HFM1: variants seen among roughly 807,000 people sequenced by gnomAD.
The protein encoded by HFM1 is probable ATP-dependent DNA helicase HFM1.
HFM1 carries 169 observed loss-of-function variants against 192.1 expected under a neutral mutation model. That is an observed-to-expected ratio of 0.88 (90% CI 0.78 to 1.00). The LOEUF (loss-of-function observed/expected upper bound fraction) is 1.00. HFM1 is among the 50% of genes least tolerant of loss of function. HFM1 has a pLI of 0.00. For synonymous variants in HFM1, 525 were observed against 537.8 expected (o/e 0.98, Z 0.33); for missense variants, 1,661 against 1,668.0 (o/e 1.00, Z 0.07).
intron 30 of HFM1, among the ~76,000 whole-genome samples, chr1:91,299,527 G>C (rs924937414): frequency 8.6e-5 from 13 of 152,040 alleles, no homozygotes; most frequent in South Asian, 6.2e-4. Context: ...TGACCACATA[G>C]TTGGAAGTAA....
At chr1:91,350,663 C>T (rs1656807859) in intron 18 of HFM1, 75 bp downstream of exon 18, 1 of 1,355,274 alleles carries the variant, frequency 7.4e-7, no homozygotes, top group Non-Finnish European at 1.0e-6. Flanking sequence ...TCTATCTATC[C>T]TGTAACTTAT....
At position 91,268,192 on chromosome 1, in the gene HFM1, AT is replaced by A. The variant is rs149522502; in HGVS notation, c.3773-338del. 3.3e-3 allele frequency among the ~76,000 whole-genome samples: 498 copies of A among 152,092 alleles called. 3 individuals carry two copies. The highest frequency in any genetic ancestry group is 0.011 in the African/African-American group (438 of 41,554). ...TTGCACTAAATTTAATTTTCAATAC[AT>A]TTTTTAGGCAATTAATTTTTCCTCT... is the stretch of plus-strand genomic sequence containing the variant. On this transcript the variant is annotated intron_variant, in intron 34 of 38. Coordinates refer to ENST00000370425, the MANE Select transcript of HFM1 (RefSeq NM_001017975.6).
At chr1:91,280,116 A>G (rs978450058) in intron 30 of HFM1, among the ~76,000 whole-genome samples, 6 of 152,200 alleles carry the variant, frequency 3.9e-5, no homozygotes, top group African/African-American at 1.4e-4. Flanking sequence ...AAACAAATAA[A>G]TTTTAAACTA....
chr1:91,404,370 G>A (rs574085128), intron 1 of HFM1, among the ~76,000 whole-genome samples: 4 of 152,332 alleles, frequency 2.6e-5, no homozygotes, highest in South Asian at 2.1e-4. Context: ...CACCCCCCGG[G>A]TCCCGTTTCC....
intron 20 of HFM1, among the ~76,000 whole-genome samples, chr1:91,336,404 T>A (rs1654584748): frequency 6.6e-6 from 1 of 151,392 alleles, no homozygotes; most frequent in Non-Finnish European, 1.5e-5. Flanking sequence ...TTTCCCTCCT[T>A]ACCTCCATCC....
At chr1:91,274,953 A>G (rs900580398) in intron 32 of HFM1, 144 bp from the exon 33 acceptor site, 3 of 459,608 alleles carry the variant, frequency 6.5e-6, no homozygotes, top group Admixed American at 4.0e-5. Context: ...CTTGACTCGA[A>G]TATTTCACTC....
At chr1:91,366,840 G>C (rs1307862733) in intron 13 of HFM1, among the ~76,000 whole-genome samples, 1 of 152,226 alleles carries the variant, frequency 6.6e-6, no homozygotes, top group Non-Finnish European at 1.5e-5. Context: ...CAAGGGGTCA[G>C]GGAATTCCCT....
intron 34 of HFM1, among the ~76,000 whole-genome samples, chr1:91,271,083 G>A (rs1028517731): frequency 1.3e-5 from 2 of 151,986 alleles, no homozygotes; most frequent in African/African-American, 2.4e-5. Context: ...CGTTATTCAT[G>A]GTGCCCTGCC....
At position 91,274,314 on chromosome 1, in the gene HFM1, T is replaced by C. The variant is rs116020467; in HGVS notation, c.3668+416A>G. On this transcript the variant is annotated intron_variant, in intron 33 of 38. Transcript: ENST00000370425. ...CCATGTTGTTGTTTAAGTCAGAAAA[T>C]ATAATGCACAAATGTGTAATTTTCG... 4.1e-3 allele frequency among the ~76,000 whole-genome samples: 626 copies of C among 152,058 alleles called. 6 individuals are homozygous for C. The highest frequency in any genetic ancestry group is 0.015 in the African/African-American group (605 of 41,488).
At chr1:91,347,565 GA>G in intron 18 of HFM1, 89 bp from the exon 19 acceptor site, 1 of 693,864 alleles carries the variant, frequency 1.4e-6, no homozygotes, top group African/African-American at 1.8e-5. Flanking sequence ...GCAGTCTAAT[GA>G]AATCTTATAT....
chr1:91,385,970 C>A, intron 4 of HFM1, 136 bp from the exon 5 acceptor site: 2 of 668,890 alleles, frequency 3.0e-6, no homozygotes, highest in Non-Finnish European at 5.1e-6. Flanking sequence ...TAAACATTCT[C>A]CTAAAATATA....
At chr1:91,313,571 A>C in intron 29 of HFM1, 76 bp from the exon 30 acceptor site, 5 of 1,000,078 alleles carry the variant, frequency 5.0e-6, no homozygotes, top group South Asian at 2.7e-5. Flanking sequence ...ATTTCTTTTT[A>C]TCTCTCTTAC....
At chr1:91,279,383 C>T (rs965148640) in intron 30 of HFM1, among the ~76,000 whole-genome samples, 3 of 152,136 alleles carry the variant, frequency 2.0e-5, no homozygotes, top group Non-Finnish European at 2.9e-5. Flanking sequence ...GGTCCTGTTA[C>T]CTCTCACTTA....
At chr1:91,364,632 A>ATATATTTTTTTTTTTT (rs753472335) in intron 13 of HFM1, among the ~76,000 whole-genome samples, 1 of 66,784 alleles carries the variant, frequency 1.5e-5, no homozygotes, top group African/African-American at 6.4e-5. Flanking sequence ...ATATATATAT[A>ATATATTTTTTTTTTTT]TTTTTTTTTT....
chr1:91,398,343 T>C (rs888788554), intron 2 of HFM1, among the ~76,000 whole-genome samples: 11 of 152,212 alleles, frequency 7.2e-5, no homozygotes, highest in African/African-American at 2.4e-4. Context: ...TATATCTAGA[T>C]ACATATTAGG....
rs78667053 is a variant in HFM1 at position 91,266,111 on chromosome 1, T to C, written c.3884-4A>G. On this transcript the variant is annotated splice_polypyrimidine_tract_variant and splice_region_variant and intron_variant, in intron 35 of 38. Coordinates refer to ENST00000370425, the MANE Select transcript of HFM1 (RefSeq NM_001017975.6). ...GAACTCAAAGTGTTTCCAAATCCTA[T>C]GTGAAGAGATAACATTTTGAAACAA... is the stretch of plus-strand genomic sequence containing the variant. 13 of 1,588,128 alleles carry C rather than the reference T, an allele frequency of 8.2e-6. 1 individual carries two copies. In the South Asian group the frequency reaches 1.3e-4, roughly 16 times the overall value.
At chr1:91,397,933 T>A (rs185652827) in intron 2 of HFM1, among the ~76,000 whole-genome samples, 2 of 152,270 alleles carry the variant, frequency 1.3e-5, no homozygotes, top group Non-Finnish European at 2.9e-5. Flanking sequence ...GGGGCTAACA[T>A]TAACATAAGC....
intron 13 of HFM1, among the ~76,000 whole-genome samples, chr1:91,368,183 A>G (rs532462508): frequency 6.6e-6 from 1 of 152,238 alleles, no homozygotes; most frequent in Non-Finnish European, 1.5e-5. Context: ...GCAGGATATT[A>G]TCCAGGAGAA....
chr1:91,352,511 G>A lies in HFM1; in HGVS notation c.1972C>T (p.Pro658Ser). ...GCAAAGTTATTGTCACTTACTTGAGGTCGACCAGCTCTACCAATCATCTGT... is the reference window on the plus strand; with the variant it reads ...GCAAAGTTATTGTCACTTACTTGAGATCGACCAGCTCTACCAATCATCTGT... ...ILQMIGRAGR[P>S]QFDTTATAVI... Residue 658 changes from proline to serine, a missense_variant, in exon 16 of 39, where the codon CCT becomes TCT. By Grantham distance (74) the Pro-to-Ser change is moderately conservative (BLOSUM62 -1). Coordinates refer to ENST00000370425, the MANE Select transcript of HFM1 (RefSeq NM_001017975.6). 1 of 1,575,304 alleles carries A rather than the reference G, an allele frequency of 6.3e-7. No homozygotes were observed. The highest frequency in any genetic ancestry group is 1.2e-5 in the South Asian group (1 of 81,482).
Sources: allele counts gnomAD v4.1 joint callset (sites outside exome capture counted in the v4.1 genomes callset), GRCh38; gene constraint gnomAD v4.1.1; transcripts MANE v1.5; gene names NCBI Gene and HGNC (gene_info 2026-07-23, HGNC 2026-07-21).